Variants in AGBL4 observed in about 807,000 individuals in gnomAD.
AGBL4 encodes AGBL carboxypeptidase 4, also known as cytosolic carboxypeptidase 6.
In AGBL4, 58 loss-of-function variants were observed where a neutral mutation model predicts 66.4. The ratio of observed to expected loss-of-function variants is 0.87; its 90% CI spans 0.71 to 1.09. The LOEUF is 1.09. Among genes scored for constraint, AGBL4 ranks in the 50% least tolerant of loss-of-function variants. The probability of loss-of-function intolerance (pLI) is 0.00; values close to 1 mark genes in which losing one functional copy is unlikely to be tolerated. For missense variants in AGBL4, 579 were observed against 631.0 expected (o/e 0.92, Z 0.88); for synonymous variants, 234 against 222.9 (o/e 1.05, Z -0.44).
intron 3 of AGBL4, among the ~76,000 whole-genome samples, chr1:49,483,412 C>G (rs1443594154): frequency 6.6e-6 from 1 of 151,938 alleles, no homozygotes; most frequent in African/African-American, 2.4e-5. Flanking sequence ...CCAAAGCAAT[C>G]TACAAATTGA....
chr1:48,704,309 A>G (rs320044), intron 6 of AGBL4, among the ~76,000 whole-genome samples: 139,946 of 152,256 alleles, frequency 0.92, 65,438 homozygotes, highest in Non-Finnish European at 1. Context: ...CTTGAACATT[A>G]CTGTGCACGA....
At chr1:49,992,302 G>A (rs1303811203) in intron 1 of AGBL4, among the ~76,000 whole-genome samples, 3 of 151,754 alleles carry the variant, frequency 2.0e-5, no homozygotes, top group Non-Finnish European at 4.4e-5. Context: ...AACCCAGGAG[G>A]CGGAGTTTGC....
At chr1:49,411,903 A>C (rs542958983) in intron 3 of AGBL4, among the ~76,000 whole-genome samples, 8 of 152,190 alleles carry the variant, frequency 5.3e-5, no homozygotes, top group Non-Finnish European at 7.3e-5. Context: ...CTGTGAAAGT[A>C]AGTAGATTTA....
intron 4 of AGBL4, among the ~76,000 whole-genome samples, chr1:49,103,065 A>G (rs1645231989): frequency 6.6e-6 from 1 of 152,202 alleles, no homozygotes; most frequent in African/African-American, 2.4e-5. Context: ...TTAAGAATGC[A>G]TAAACCACTT....
intron 3 of AGBL4, among the ~76,000 whole-genome samples, chr1:49,279,050 G>GA (rs1293834806): frequency 6.6e-6 from 1 of 151,854 alleles, no homozygotes; most frequent in Non-Finnish European, 1.5e-5. Flanking sequence ...AATTTTAAAT[G>GA]AAAAAAAGAG....
intron 4 of AGBL4, among the ~76,000 whole-genome samples, chr1:49,139,039 G>A (rs562629133): frequency 6.6e-6 from 1 of 152,006 alleles, no homozygotes; most frequent in African/African-American, 2.4e-5. Flanking sequence ...AGCAAAGGGG[G>A]AAGTGCTGCA....
At chr1:49,437,768 GA>G (rs1447392495) in intron 3 of AGBL4, among the ~76,000 whole-genome samples, 1 of 147,510 alleles carries the variant, frequency 6.8e-6, no homozygotes, top group Non-Finnish European at 1.5e-5. Flanking sequence ...GAAATTATTA[GA>G]AAAAAATGGA....
At chr1:49,176,019 A>G (rs1303505628) in intron 4 of AGBL4, among the ~76,000 whole-genome samples, 2 of 152,108 alleles carry the variant, frequency 1.3e-5, no homozygotes, top group African/African-American at 4.8e-5. Flanking sequence ...ACAATACACA[A>G]TCACTCTAGG....
At chr1:49,325,462 C>T (rs924257123) in intron 3 of AGBL4, among the ~76,000 whole-genome samples, 5 of 152,162 alleles carry the variant, frequency 3.3e-5, no homozygotes, top group African/African-American at 1.2e-4. Context: ...ATAACTTCTA[C>T]CCATGTTATA....
At chr1:49,893,396 A>G (rs962326097) in intron 1 of AGBL4, among the ~76,000 whole-genome samples, 1 of 152,136 alleles carries the variant, frequency 6.6e-6, no homozygotes, top group African/African-American at 2.4e-5. Flanking sequence ...GGCCACAGTA[A>G]AGTAAACCAC....
chr1:49,382,668 T>C (rs997357273), intron 3 of AGBL4, among the ~76,000 whole-genome samples: 3 of 152,030 alleles, frequency 2.0e-5, no homozygotes, highest in African/African-American at 7.2e-5. Flanking sequence ...TCAGAGTAAT[T>C]AGCCAAGAAA....
chr1:49,918,542 G>T (rs1651833241), intron 1 of AGBL4, among the ~76,000 whole-genome samples: 1 of 151,452 alleles, frequency 6.6e-6, no homozygotes, highest in Non-Finnish European at 1.5e-5. Context: ...CCAGGAAGAA[G>T]TTGAATCCCT....
intron 5 of AGBL4, among the ~76,000 whole-genome samples, chr1:48,867,796 A>G (rs1019364533): frequency 6.6e-6 from 1 of 152,168 alleles, no homozygotes; most frequent in African/African-American, 2.4e-5. Flanking sequence ...TTCTAACTGA[A>G]TCCTTATCCT....
intron 9 of AGBL4, among the ~76,000 whole-genome samples, chr1:48,594,716 G>A (rs1315312098): frequency 2.0e-5 from 3 of 152,046 alleles, no homozygotes; most frequent in Non-Finnish European, 4.4e-5. Flanking sequence ...GTGAGGTAAG[G>A]GTTAAATTTC....
chr1:49,462,872 C>T (rs542857483), intron 3 of AGBL4, among the ~76,000 whole-genome samples: 5 of 151,670 alleles, frequency 3.3e-5, no homozygotes, highest in East Asian at 2.0e-4. Flanking sequence ...CAAGATATTT[C>T]GGAGGTTTAT....
chr1:49,810,990 A>T (rs1645088412), intron 2 of AGBL4, among the ~76,000 whole-genome samples: 1 of 152,210 alleles, frequency 6.6e-6, no homozygotes, highest in Non-Finnish European at 1.5e-5. Flanking sequence ...CAATTAAACC[A>T]GCAGGACTTA....
At chr1:48,637,207 T>A (rs1048439425) in intron 8 of AGBL4, among the ~76,000 whole-genome samples, 7 of 152,252 alleles carry the variant, frequency 4.6e-5, no homozygotes, top group Admixed American at 4.6e-4. Context: ...TTTTATGCTA[T>A]GTTCTATGTG....
At chr1:49,713,709 T>G (rs1647850351) in intron 2 of AGBL4, among the ~76,000 whole-genome samples, 1 of 152,110 alleles carries the variant, frequency 6.6e-6, no homozygotes, top group Non-Finnish European at 1.5e-5. Flanking sequence ...ATACTGTATT[T>G]TTAGGATAAT....
Position 49,948,518 on chromosome 1 carries a change from TATAA to T in AGBL4, c.34+75241_34+75244del, listed in dbSNP as rs1262585369. 4.2e-4 allele frequency among the ~76,000 whole-genome samples: 38 copies of T among 91,204 alleles called. No individual in the cohort carries two copies. The South Asian group carries it at 5.0e-3, about 12-fold the overall frequency. 59.8% of individuals were successfully genotyped at this position (91,204 alleles called of 152,430 possible). On this transcript the variant is annotated intron_variant, in intron 1 of 13. Transcript: ENST00000371839. Reference sequence around the variant, plus strand: ...AAAAATATATATAAATATATAAAAATATAAATAAATATATATAAATATATAAATA... The same window carrying T: ...AAAAATATATATAAATATATAAAAATATAAATATATATAAATATATAAATA...
Sources: allele counts gnomAD v4.1 joint callset (sites outside exome capture counted in the v4.1 genomes callset), GRCh38; gene constraint gnomAD v4.1.1; transcripts MANE v1.5; gene names NCBI Gene and HGNC (gene_info 2026-07-23, HGNC 2026-07-21).